Variants in CDHR3 observed in about 807,000 individuals in gnomAD.
CDHR3 encodes cadherin-related family member 3.
In CDHR3, 79 loss-of-function variants were observed where a neutral mutation model predicts 86.6. The observed-to-expected ratio is 0.91, with a 90% CI of 0.76 to 1.10. CDHR3 has a LOEUF of 1.10. Among genes scored for constraint, CDHR3 ranks in the 50% least tolerant of loss-of-function variants. CDHR3 has a pLI of 0.00. For missense variants in CDHR3, 1,081 were observed against 1,077.6 expected (o/e 1.00, Z -0.04); for synonymous variants, 421 against 402.4 (o/e 1.05, Z -0.55).
In CDHR3 at chr7:105,963,334, A is replaced by G. The variant is rs921203306; in HGVS notation, c.16A>G (p.Ile6Val). The change falls in exon 1 of 19, where the codon ATT (isoleucine) becomes GTT (valine). Residue 6 changes from isoleucine (I) to valine (V), a missense_variant. Ile to Val is a conservative substitution (Grantham distance 29). Transcript: ENST00000317716. ...ACCATCAAGTATGCAGGAAGCAATC[A>G]TTCTCCTGGCTCTCCTGGGTGCCAT... Reference protein sequence around the residue: MQEAIILLALLGAMSG... With the variant: MQEAIVLLALLGAMSG... 4 of 1,613,894 alleles carry G rather than the reference A, an allele frequency of 2.5e-6. No individual in the cohort carries two copies. In the African/African-American group the frequency reaches 5.3e-5, roughly 22 times the overall value.
rs1207327082 is a variant in CDHR3, at chr7:105,980,961, G to T, written c.250-7G>T. ...ATGGTTACTAAGAATTTTGCATTTT[G>T]TTTTAGGTTGTCACCACTGGGATGG... is the stretch of plus-strand genomic sequence containing the variant. On this transcript the variant is annotated splice_region_variant and splice_polypyrimidine_tract_variant and intron_variant, in intron 2 of 18. Transcript: ENST00000317716. The T allele has an allele frequency of 6.3e-7, 1 of 1,598,942 alleles. No homozygotes were observed. The highest frequency in any genetic ancestry group is 1.1e-5 in the South Asian group (1 of 88,250).
chr7:106,012,542 A>G (rs1182374131), intron 8 of CDHR3, among the ~76,000 whole-genome samples: 1 of 152,076 alleles, frequency 6.6e-6, no homozygotes, highest in Non-Finnish European at 1.5e-5. Flanking sequence ...TCAGAGAGGA[A>G]AAGGAGGGCA....
chr7:105,984,158 G>T, intron 3 of CDHR3, 34 bp from the exon 4 acceptor site: 1 of 1,385,620 alleles, frequency 7.2e-7, no homozygotes, highest in Non-Finnish European at 9.9e-7. Flanking sequence ...GCTTTAATAA[G>T]ATGTTTCTTA....
chr7:106,020,187 G>T (rs1388321907), intron 12 of CDHR3, among the ~76,000 whole-genome samples, 186 bp from the exon 13 acceptor site: 1 of 152,148 alleles, frequency 6.6e-6, no homozygotes, highest in Non-Finnish European at 1.5e-5. Context: ...AATGATCTTA[G>T]ATCAATTACC....
chr7:105,973,351 C>A (rs1345989031), intron 1 of CDHR3, among the ~76,000 whole-genome samples: 1 of 152,174 alleles, frequency 6.6e-6, no homozygotes, highest in Non-Finnish European at 1.5e-5. Context: ...GCTGCTGTAA[C>A]AAACTATCAC....
intron 13 of CDHR3, among the ~76,000 whole-genome samples, chr7:106,021,232 A>G (rs928759109): frequency 1.3e-5 from 2 of 152,170 alleles, no homozygotes; most frequent in Non-Finnish European, 2.9e-5. Context: ...TGCTGGGGCC[A>G]GAGATTTAAA....
chr7:106,027,565 A>C, intron 16 of CDHR3: 1 of 391,976 alleles, frequency 2.6e-6, no homozygotes. Flanking sequence ...GGTCCATCTG[A>C]GCAGCTCCAG....
chr7:105,974,846 G>A lies in CDHR3; in HGVS notation c.49G>A (p.Gly17Arg). ...LLALLGAMSG[G>R]EALHLILLPA... ...CCTGCACCCTTTTTACTCCACAGGGGGAGAAGCACTACACCTAATCCTCTT... is the reference window on the plus strand; with the variant it reads ...CCTGCACCCTTTTTACTCCACAGGGAGAGAAGCACTACACCTAATCCTCTT... Residue 17 changes from glycine to arginine, a missense_variant and splice_region_variant, in exon 2 of 19, where the codon GGA becomes AGA. Physicochemically the swap from Gly to Arg is moderately radical, Grantham distance 125. Coordinates refer to ENST00000317716, the MANE Select transcript of CDHR3 (RefSeq NM_152750.5). 6.2e-7 allele frequency: 1 copy of A among 1,612,774 alleles called. No individual in the cohort carries two copies. Among genetic ancestry groups the A allele is most frequent in the Non-Finnish European group, 8.5e-7 (1 of 1,179,420 alleles).
At chr7:105,982,760 A>G (rs897391491) in intron 3 of CDHR3, among the ~76,000 whole-genome samples, 1 of 152,052 alleles carries the variant, frequency 6.6e-6, no homozygotes, top group African/African-American at 2.4e-5. Flanking sequence ...AGGTGGGAGT[A>G]TAGCTTAAGG....
At chr7:105,979,970 G>A (rs1225604806) in intron 2 of CDHR3, among the ~76,000 whole-genome samples, 2 of 152,164 alleles carry the variant, frequency 1.3e-5, no homozygotes, top group Admixed American at 6.6e-5. Flanking sequence ...GACCGCCAGA[G>A]TTCCTGCTGG....
intron 16 of CDHR3, among the ~76,000 whole-genome samples, chr7:106,027,508 G>C (rs769237772): frequency 1.3e-4 from 20 of 152,114 alleles, no homozygotes; most frequent in Non-Finnish European, 2.4e-4. Context: ...AGGGTGGTGA[G>C]ATGGGCTGAG....
chr7:106,028,372 T>C (rs1306212793), intron 16 of CDHR3, 179 bp from the exon 17 acceptor site: 1 of 708,308 alleles, frequency 1.4e-6, no homozygotes, highest in African/African-American at 1.8e-5. Flanking sequence ...TGTGTACGTA[T>C]TTTTTTCTGA....
At chr7:105,979,236 AG>A (rs1373206602) in intron 2 of CDHR3, among the ~76,000 whole-genome samples, 9 of 152,276 alleles carry the variant, frequency 5.9e-5, no homozygotes, top group Admixed American at 2.0e-4. Context: ...CAAGCCAGTC[AG>A]TCTGGCTCCA....
At chr7:106,001,941 A>C (rs1275498427) in intron 7 of CDHR3, among the ~76,000 whole-genome samples, 1 of 152,246 alleles carries the variant, frequency 6.6e-6, no homozygotes, top group African/African-American at 2.4e-5. Context: ...TTTTTCCTGA[A>C]TATTTTAAAT....
At chr7:105,988,680 G>A (rs1413237007) in intron 4 of CDHR3, among the ~76,000 whole-genome samples, 1 of 152,182 alleles carries the variant, frequency 6.6e-6, no homozygotes, top group Non-Finnish European at 1.5e-5. Context: ...AAAAGCATGT[G>A]CTGGTACATT....
chr7:106,026,626 G>A, intron 15 of CDHR3, 56 bp from the exon 16 acceptor site: 1 of 1,588,556 alleles, frequency 6.3e-7, no homozygotes. Flanking sequence ...TGTCATGTGT[G>A]TGCCAGTGCA....
intron 4 of CDHR3, among the ~76,000 whole-genome samples, chr7:105,985,013 C>A (rs1042928976): frequency 6.7e-6 from 1 of 150,318 alleles, no homozygotes; most frequent in Non-Finnish European, 1.5e-5. Flanking sequence ...GAGCTATGAT[C>A]ACGTCACTAC....
intron 4 of CDHR3, among the ~76,000 whole-genome samples, chr7:105,992,250 G>A (rs990907121): frequency 3.9e-5 from 6 of 152,164 alleles, no homozygotes; most frequent in Non-Finnish European, 2.9e-5. Flanking sequence ...CATGTGGAAG[G>A]ACGCCCTGAT....
chr7:105,981,263 C>A, intron 3 of CDHR3, 130 bp downstream of exon 3: 1 of 847,638 alleles, frequency 1.2e-6, no homozygotes, highest in Non-Finnish European at 1.8e-6. Context: ...GCTTAATGAG[C>A]AGGGAATAAA....
Sources: gnomAD v4.1 joint callset for allele counts (sites outside exome capture counted in the v4.1 genomes callset) on GRCh38, gnomAD v4.1.1 for gene constraint, MANE v1.5 for transcripts, NCBI Gene and HGNC (gene_info 2026-07-23, HGNC 2026-07-21) for gene names.